The following C12orf42 variants were observed in gnomAD, a reference collection of about 807,000 sequenced individuals.
C12orf42 encodes uncharacterized protein C12orf42.
A neutral mutation model predicts 21.6 loss-of-function variants in C12orf42; 25 were observed. The observed-to-expected ratio is 1.16, with a 90% CI of 0.84 to 1.62. The LOEUF (loss-of-function observed/expected upper bound fraction) is 1.62. Among genes scored for constraint, C12orf42 ranks in the 40% most tolerant of loss-of-function variants. The pLI, the probability that C12orf42 is intolerant of heterozygous loss-of-function variation, is 0.00. For synonymous variants in C12orf42, 174 were observed against 175.0 expected (o/e 0.99, Z 0.05); for missense variants, 483 against 459.3 (o/e 1.05, Z -0.47).
intron 2 of C12orf42, among the ~76,000 whole-genome samples, chr12:103,451,658 A>G (rs1012602019): frequency 6.6e-6 from 1 of 152,072 alleles, no homozygotes; most frequent in African/African-American, 2.4e-5. Flanking sequence ...TGACTCTCCA[A>G]CATTCTGCCT....
chr12:103,109,699 C>T, the C12orf42 span, among the ~76,000 whole-genome samples: 2 of 150,964 alleles, frequency 1.3e-5, no homozygotes, highest in South Asian at 2.1e-4. Context: ...AATGGCACTA[C>T]ATTAAAATTT....
chr12:103,054,121 G>T, the C12orf42 span, among the ~76,000 whole-genome samples: 5 of 151,734 alleles, frequency 3.3e-5, no homozygotes, highest in African/African-American at 1.2e-4. Flanking sequence ...AGATATATAA[G>T]AAATCTTACT....
chr12:103,514,508 C>T, the C12orf42 span, among the ~76,000 whole-genome samples: 1 of 151,962 alleles, frequency 6.6e-6, no homozygotes, highest in African/African-American at 2.4e-5. Flanking sequence ...TGACTGGGGC[C>T]CCATGGGGAA....
At chr12:103,069,820 G>C in the C12orf42 span, among the ~76,000 whole-genome samples, 3,420 of 152,204 alleles carry the variant, frequency 0.022, 56 homozygotes, top group African/African-American at 0.044. Context: ...TTATAGAATT[G>C]CGGTTGAAGT....
the C12orf42 span, among the ~76,000 whole-genome samples, chr12:103,130,635 G>C: frequency 7.2e-5 from 11 of 152,112 alleles, no homozygotes; most frequent in African/African-American, 2.7e-4. Context: ...AAGGAAGCAG[G>C]GTTTGGCAAA....
chr12:103,196,248 A>C, the C12orf42 span, among the ~76,000 whole-genome samples: 2 of 151,972 alleles, frequency 1.3e-5, no homozygotes, highest in African/African-American at 4.8e-5. Context: ...GTTTTGGGAG[A>C]TCTTCTTGCT....
the C12orf42 span, among the ~76,000 whole-genome samples, chr12:103,163,955 A>G: frequency 2.0e-5 from 3 of 152,180 alleles, no homozygotes; most frequent in Admixed American, 1.3e-4. Flanking sequence ...GTCCTTACTA[A>G]TAAGTCACAG....
the C12orf42 span, among the ~76,000 whole-genome samples, chr12:103,195,488 G>A: frequency 1.3e-5 from 2 of 152,114 alleles, no homozygotes; most frequent in East Asian, 3.9e-4. Flanking sequence ...TGGCCATCCT[G>A]ACTGGTATGA....
chr12:103,218,155 C>T, the C12orf42 span, among the ~76,000 whole-genome samples: 23 of 151,960 alleles, frequency 1.5e-4, no homozygotes, highest in African/African-American at 4.8e-4. Flanking sequence ...TGGTGCACTC[C>T]TGTAATCCCA....
intron 2 of C12orf42, among the ~76,000 whole-genome samples, chr12:103,410,673 A>T (rs946181668): frequency 2.0e-5 from 3 of 152,240 alleles, no homozygotes; most frequent in Non-Finnish European, 4.4e-5. Context: ...ACTTTATTCC[A>T]GCAAGAATAG....
At chr12:103,199,816 T>C in the C12orf42 span, among the ~76,000 whole-genome samples, 143 of 152,108 alleles carry the variant, frequency 9.4e-4, no homozygotes, top group Middle Eastern at 3.2e-3. Flanking sequence ...ATCTTTCCAT[T>C]TAGAAAATGG....
intron 3 of C12orf42, among the ~76,000 whole-genome samples, chr12:103,380,361 T>C (rs1368294020): frequency 1.3e-5 from 2 of 152,200 alleles, no homozygotes; most frequent in African/African-American, 2.4e-5. Context: ...TGAGATTTTT[T>C]TTTTGTAAAC....
chr12:103,114,048 T>C, the C12orf42 span, among the ~76,000 whole-genome samples: 3 of 152,300 alleles, frequency 2.0e-5, no homozygotes, highest in East Asian at 1.9e-4. Flanking sequence ...GCGTTTTCTA[T>C]TGAAAATCAG....
At chr12:103,115,346 C>T in the C12orf42 span, among the ~76,000 whole-genome samples, 11 of 152,146 alleles carry the variant, frequency 7.2e-5, no homozygotes, top group African/African-American at 2.7e-4. Flanking sequence ...TTGCCTTTCT[C>T]CACACCCCAA....
intron 2 of C12orf42, among the ~76,000 whole-genome samples, chr12:103,445,002 C>G (rs564067190): frequency 4.6e-5 from 7 of 151,490 alleles, no homozygotes. Flanking sequence ...AGTAATAAAC[C>G]ATAAACATAA....
chr12:103,512,114 C>T, the C12orf42 span, among the ~76,000 whole-genome samples: 4 of 152,274 alleles, frequency 2.6e-5, no homozygotes, highest in South Asian at 6.2e-4. Flanking sequence ...CCTGAGAAGT[C>T]CCGGTAAATT....
At chr12:103,231,351 G>T in the C12orf42 span, among the ~76,000 whole-genome samples, 2 of 152,106 alleles carry the variant, frequency 1.3e-5, no homozygotes, top group African/African-American at 2.4e-5. Flanking sequence ...TTCACCCTCG[G>T]TGCTGTACAT....
chr12:103,047,918 C>G, the C12orf42 span, among the ~76,000 whole-genome samples: 1 of 152,080 alleles, frequency 6.6e-6, no homozygotes, highest in Admixed American at 6.6e-5. Context: ...TTAGAAATGG[C>G]GTAATGTCAC....
chr12:103,459,424 T>G (rs1318387680), intron 2 of C12orf42, among the ~76,000 whole-genome samples: 1 of 152,100 alleles, frequency 6.6e-6, no homozygotes, highest in African/African-American at 2.4e-5. Flanking sequence ...GATGAGTGTA[T>G]CCACCGGAGA....
Sources: allele counts gnomAD v4.1 joint callset (sites outside exome capture counted in the v4.1 genomes callset), GRCh38; gene constraint gnomAD v4.1.1; transcripts MANE v1.5; gene names NCBI Gene and HGNC (gene_info 2026-07-23, HGNC 2026-07-21).